Variants in COMMD1 observed in about 807,000 individuals in gnomAD.
COMMD1 encodes copper metabolism domain containing 1, also known as COMM domain-containing protein 1.
Under a neutral mutation model 17.2 loss-of-function variants are expected in COMMD1, and 10 were observed. The ratio of observed to expected loss-of-function variants is 0.58; its 90% confidence interval spans 0.36 to 0.99. The LOEUF is 0.99. Ranked by LOEUF, COMMD1 falls within the 50% of genes least tolerant of loss-of-function variation. The pLI is 0.01. For synonymous variants in COMMD1, 97 were observed against 91.6 expected (o/e 1.06, Z -0.34); for missense variants, 270 against 231.8 (o/e 1.17, Z -1.07).
At chr2:62,115,860 CTTTTTTTTT>C (rs1240965232) in intron 2 of COMMD1, among the ~76,000 whole-genome samples, 2 of 43,368 alleles carry the variant, frequency 4.6e-5, no homozygotes, top group African/African-American at 2.8e-4. Context: ...TTCTTTCTTT[CTTTTTTTTT>C]TTTTTTTTTG....
At chr2:62,133,352 C>T (rs933217605) in intron 2 of COMMD1, among the ~76,000 whole-genome samples, 6 of 152,164 alleles carry the variant, frequency 3.9e-5, no homozygotes, top group Admixed American at 6.5e-5. Flanking sequence ...GCTTGTTGGC[C>T]TGCCTTTAAC....
chr2:62,122,658 T>C (rs2104078533), intron 2 of COMMD1, among the ~76,000 whole-genome samples: 1 of 152,360 alleles, frequency 6.6e-6, no homozygotes, highest in Middle Eastern at 3.4e-3. Flanking sequence ...TTTCTTCCTT[T>C]CAGAAACAAG....
chr2:61,971,679 C>T lies in COMMD1; in HGVS notation c.181-29022C>T, dbSNP rs575130002. On this transcript the variant is annotated intron_variant, in intron 1 of 2. Coordinates refer to ENST00000311832, the MANE Select transcript of COMMD1 (RefSeq NM_152516.4). ...GCTCAAGTGATCCTTTTGCCTTGGC[C>T]TCCCAAAGTGCTGGGATTACAGGCA... 2.1e-3 allele frequency among the ~76,000 whole-genome samples: 319 copies of T among 152,270 alleles called. 2 individuals carry two copies. Among genetic ancestry groups the T allele is most frequent in the African/African-American group, 7.5e-3 (310 of 41,556 alleles).
chr2:61,903,083 G>A (rs1038633977), upstream of COMMD1, among the ~76,000 whole-genome samples: 10 of 152,060 alleles, frequency 6.6e-5, no homozygotes, highest in African/African-American at 1.9e-4. Context: ...TTGGAGCCAT[G>A]GAAGCAACTC....
chr2:62,000,510 G>A (rs1012320496), intron 1 of COMMD1, among the ~76,000 whole-genome samples, 191 bp from the exon 2 acceptor site: 6 of 151,508 alleles, frequency 4.0e-5, no homozygotes, highest in Non-Finnish European at 8.8e-5. Flanking sequence ...GGCCAGTTTG[G>A]TCTCTAACTC....
chr2:62,078,057 C>T (rs1175565757), intron 2 of COMMD1, among the ~76,000 whole-genome samples: 6 of 151,340 alleles, frequency 4.0e-5, no homozygotes. Flanking sequence ...AGGCGGATCA[C>T]GAGGTCAGGA....
intron 1 of COMMD1, among the ~76,000 whole-genome samples, chr2:61,942,267 C>G (rs1670770469): frequency 6.6e-6 from 1 of 152,050 alleles, no homozygotes; most frequent in African/African-American, 2.4e-5. Context: ...CCACGGCCAG[C>G]TAATTTTTGT....
intron 2 of COMMD1, among the ~76,000 whole-genome samples, chr2:62,105,659 A>G (rs1045561799): frequency 6.6e-6 from 1 of 152,186 alleles, no homozygotes; most frequent in Admixed American, 6.5e-5. Context: ...CCCCGTGTCT[A>G]CTAAAAATAT....
intron 2 of COMMD1, among the ~76,000 whole-genome samples, chr2:62,081,221 T>C (rs1671507393): frequency 6.6e-6 from 1 of 152,038 alleles, no homozygotes; most frequent in Non-Finnish European, 1.5e-5. Flanking sequence ...CTACCATCCC[T>C]GAATGTTACC....
intron 2 of COMMD1, among the ~76,000 whole-genome samples, chr2:62,020,448 G>C (rs780740216): frequency 9.2e-5 from 14 of 152,130 alleles, no homozygotes; most frequent in Non-Finnish European, 1.8e-4. Flanking sequence ...CAGCTGTGTA[G>C]ATTCCTCTAT....
intron 1 of COMMD1, among the ~76,000 whole-genome samples, chr2:61,953,332 A>G (rs1258389603): frequency 5.5e-5 from 8 of 144,630 alleles, no homozygotes; most frequent in Non-Finnish European, 1.1e-4. Flanking sequence ...TATTTCTGAG[A>G]GTTTTAGGAT....
upstream of COMMD1, chr2:61,888,428 C>T: frequency 1.2e-6 from 2 of 1,612,692 alleles, no homozygotes; most frequent in Non-Finnish European, 8.5e-7. Context: ...TGGCTTGTCG[C>T]GGTCCTGATA....
chr2:61,960,198 TGAA>T (rs1461985843), intron 1 of COMMD1, among the ~76,000 whole-genome samples: 6 of 152,176 alleles, frequency 3.9e-5, no homozygotes, highest in South Asian at 2.1e-4. Flanking sequence ...TTATAATCTT[TGAA>T]GAAGAACTTT....
intron 1 of COMMD1, among the ~76,000 whole-genome samples, chr2:61,995,220 G>A (rs1486351232): frequency 6.6e-6 from 1 of 152,154 alleles, no homozygotes; most frequent in Non-Finnish European, 1.5e-5. Flanking sequence ...GAGTAGCTGG[G>A]ACTGCAGGCG....
intron 2 of COMMD1, among the ~76,000 whole-genome samples, chr2:62,026,168 G>A (rs1345027796): frequency 1.3e-5 from 2 of 152,128 alleles, no homozygotes; most frequent in Non-Finnish European, 2.9e-5. Context: ...GTATGTATTA[G>A]GCCGTTCTTT....
intron 2 of COMMD1, among the ~76,000 whole-genome samples, chr2:62,027,150 G>A (rs1669781631): frequency 6.6e-6 from 1 of 152,128 alleles, no homozygotes; most frequent in Non-Finnish European, 1.5e-5. Flanking sequence ...ATTGATGTGG[G>A]ATAGTGTAGC....
intron 2 of COMMD1, among the ~76,000 whole-genome samples, chr2:62,056,944 C>T (rs905686244): frequency 1.3e-5 from 2 of 152,180 alleles, no homozygotes; most frequent in African/African-American, 4.8e-5. Context: ...CACAAATGCA[C>T]TCAAAAGCCT....
At chr2:61,964,395 A>G (rs1671451565) in intron 1 of COMMD1, among the ~76,000 whole-genome samples, 1 of 151,928 alleles carries the variant, frequency 6.6e-6, no homozygotes, top group African/African-American at 2.4e-5. Context: ...CTAATTTTTT[A>G]TAGAGATGTG....
At chr2:62,047,961 G>A (rs1670428408) in intron 2 of COMMD1, among the ~76,000 whole-genome samples, 1 of 152,008 alleles carries the variant, frequency 6.6e-6, no homozygotes, top group Non-Finnish European at 1.5e-5. Context: ...TGTAGCTTAG[G>A]TGTATAGTAG....
Sources: gnomAD v4.1 joint callset for allele counts (sites outside exome capture counted in the v4.1 genomes callset) on GRCh38, gnomAD v4.1.1 for gene constraint, MANE v1.5 for transcripts, NCBI Gene and HGNC (gene_info 2026-07-23, HGNC 2026-07-21) for gene names.